SLC24A2: variants seen among roughly 807,000 people sequenced by gnomAD.
The protein encoded by SLC24A2 is solute carrier family 24 member 2.
Under a neutral mutation model 62.0 loss-of-function variants are expected in SLC24A2, and 36 were observed. That is an observed-to-expected ratio of 0.58 (90% confidence interval 0.44 to 0.77). The LOEUF (loss-of-function observed/expected upper bound fraction) is 0.77, where lower values mean the gene tolerates loss of function less well. SLC24A2 is among the 30% of genes least tolerant of loss of function. The probability of loss-of-function intolerance (pLI) is 0.00; values close to 1 mark genes in which losing one functional copy is unlikely to be tolerated. For missense variants in SLC24A2, 846 were observed against 817.9 expected (o/e 1.03, Z -0.42); for synonymous variants, 358 against 294.0 (o/e 1.22, Z -2.23).
chr9:19,636,338 T>TCC (rs1564009882), intron 2 of SLC24A2, among the ~76,000 whole-genome samples: 8 of 33,582 alleles, frequency 2.4e-4, no homozygotes, highest in African/African-American at 8.9e-4. Flanking sequence ...TTTCTTTCTT[T>TCC]CTTTCTTTCT....
the SLC24A2 span, among the ~76,000 whole-genome samples, chr9:20,075,244 C>G: frequency 6.6e-6 from 1 of 152,132 alleles, no homozygotes; most frequent in African/African-American, 2.4e-5. Flanking sequence ...TAGTATGTGC[C>G]TAACACCATG....
chr9:19,961,017 GGGGT>G, the SLC24A2 span, among the ~76,000 whole-genome samples: 13 of 116,928 alleles, frequency 1.1e-4, no homozygotes, highest in Admixed American at 2.1e-4. Context: ...CAGGATTAGA[GGGGT>G]GGGTGTGTGT....
rs567837386 is a variant in SLC24A2 at position 19,620,456 on chromosome 9, A to G, written c.970-764T>C. Among the ~76,000 whole-genome samples the G allele has an allele frequency of 3.0e-3, 451 of 151,856 alleles. 3 individuals carry two copies. Among genetic ancestry groups the G allele is most frequent in the African/African-American group, 0.01 (427 of 41,390 alleles). Reference sequence around the variant, plus strand: ...AAGCTCTTATCATGAAACCATGAGAACTCTCCCGACTTTGAGGGGGGCTCC... The same window carrying G: ...AAGCTCTTATCATGAAACCATGAGAGCTCTCCCGACTTTGAGGGGGGCTCC... On this transcript the variant is annotated intron_variant, in intron 3 of 10. Coordinates refer to ENST00000341998, the MANE Select transcript of SLC24A2 (RefSeq NM_020344.4).
At chr9:19,770,821 C>T (rs1262419149) in intron 2 of SLC24A2, among the ~76,000 whole-genome samples, 1 of 152,190 alleles carries the variant, frequency 6.6e-6, no homozygotes, top group East Asian at 1.9e-4. Flanking sequence ...AAGAGCAACT[C>T]ATAGCACATT....
At chr9:19,588,233 G>C (rs1047281028) in intron 5 of SLC24A2, among the ~76,000 whole-genome samples, 1 of 143,786 alleles carries the variant, frequency 7.0e-6, no homozygotes, top group Admixed American at 7.1e-5. Context: ...ATCTATTCAA[G>C]TGCCCAGAAA....
the SLC24A2 span, among the ~76,000 whole-genome samples, chr9:19,824,856 T>C: frequency 6.6e-6 from 1 of 152,170 alleles, no homozygotes; most frequent in Non-Finnish European, 1.5e-5. Context: ...AAAGATGAGT[T>C]CATGTCCTTT....
At chr9:19,909,485 AAAG>A in the SLC24A2 span, among the ~76,000 whole-genome samples, 1 of 152,206 alleles carries the variant, frequency 6.6e-6, no homozygotes, top group Admixed American at 6.5e-5. Flanking sequence ...GTATAAAAAA[AAAG>A]AAGTGGTTAG....
intron 2 of SLC24A2, among the ~76,000 whole-genome samples, chr9:19,625,085 T>C (rs976834561): frequency 6.6e-6 from 1 of 152,182 alleles, no homozygotes; most frequent in Admixed American, 6.5e-5. Context: ...ATGGCAAGTT[T>C]ATTCTAACCC....
intron 2 of SLC24A2, among the ~76,000 whole-genome samples, chr9:19,663,335 G>T (rs1369738215): frequency 1.3e-5 from 2 of 152,172 alleles, no homozygotes; most frequent in Non-Finnish European, 2.9e-5. Flanking sequence ...AAGTTCTAGA[G>T]CAGAAGCCTT....
rs78778510 is a variant in SLC24A2, at chr9:19,698,435, C to G, written c.931-76136G>C. Among the ~76,000 whole-genome samples the G allele has an allele frequency of 3.5e-4, 53 of 152,284 alleles. No individual in the cohort carries two copies. In the East Asian group the frequency reaches 9.4e-3, roughly 27 times the overall value. On this transcript the variant is annotated intron_variant, in intron 2 of 10. Transcript: ENST00000341998. ...AAACAAAAAAATCTGCAATCCAAAACACTTCTGGTTCCAAGCATTTTGGAT... is the reference window on the plus strand; with the variant it reads ...AAACAAAAAAATCTGCAATCCAAAAGACTTCTGGTTCCAAGCATTTTGGAT...
intron 7 of SLC24A2, among the ~76,000 whole-genome samples, chr9:19,564,534 CTCTCTGTATCTA>C (rs1835570153): frequency 1.1e-5 from 1 of 91,010 alleles, no homozygotes; most frequent in African/African-American, 3.1e-5. Context: ...CTACCTATCT[CTCTCTGTATCTA>C]TCTGTCTATC....
chr9:19,615,409 T>C (rs1231246270), intron 4 of SLC24A2, among the ~76,000 whole-genome samples: 6 of 152,180 alleles, frequency 3.9e-5, no homozygotes, highest in African/African-American at 1.4e-4. Context: ...AAGGTGACAG[T>C]TTGGCACAAG....
chr9:19,671,216 A>C (rs1260872703), intron 2 of SLC24A2, among the ~76,000 whole-genome samples: 1 of 151,638 alleles, frequency 6.6e-6, no homozygotes, highest in Non-Finnish European at 1.5e-5. Flanking sequence ...GTCATCTATG[A>C]TTTCTTTCAG....
upstream of SLC24A2, among the ~76,000 whole-genome samples, chr9:19,790,763 C>T (rs760664641): frequency 2.5e-4 from 38 of 152,146 alleles, no homozygotes; most frequent in Admixed American, 1.1e-3. Flanking sequence ...TTTATTTTTA[C>T]CCTGCCTTTG....
At chr9:19,784,320 C>T (rs1488347634) in intron 2 of SLC24A2, among the ~76,000 whole-genome samples, 3 of 152,132 alleles carry the variant, frequency 2.0e-5, no homozygotes, top group Non-Finnish European at 2.9e-5. Flanking sequence ...CTACATATAC[C>T]ATTGGATTGC....
chr9:20,159,608 A>T, the SLC24A2 span, among the ~76,000 whole-genome samples: 8 of 151,456 alleles, frequency 5.3e-5, no homozygotes, highest in African/African-American at 1.9e-4. Context: ...AAGTGAGAAA[A>T]TGAGGAAGGA....
the SLC24A2 span, among the ~76,000 whole-genome samples, chr9:20,165,104 T>G: frequency 6.6e-6 from 1 of 151,620 alleles, no homozygotes; most frequent in Non-Finnish European, 1.5e-5. Flanking sequence ...CTGCACATTG[T>G]GCACATGTAC....
At chr9:19,564,591 T>C (rs541332515) in intron 7 of SLC24A2, among the ~76,000 whole-genome samples, 1 of 152,232 alleles carries the variant, frequency 6.6e-6, no homozygotes, top group East Asian at 1.9e-4. Flanking sequence ...CATTTTCTTA[T>C]ATAAATCTGT....
chr9:19,869,842 G>A, the SLC24A2 span, among the ~76,000 whole-genome samples: 1 of 151,988 alleles, frequency 6.6e-6, no homozygotes, highest in Non-Finnish European at 1.5e-5. Flanking sequence ...ATCATATTTA[G>A]TGCTTTTCAT....
Sources: gnomAD v4.1 joint callset for allele counts (sites outside exome capture counted in the v4.1 genomes callset) on GRCh38, gnomAD v4.1.1 for gene constraint, MANE v1.5 for transcripts, NCBI Gene and HGNC (gene_info 2026-07-23, HGNC 2026-07-21) for gene names.